PLCH1: variants seen among roughly 807,000 people sequenced by gnomAD.
The protein encoded by PLCH1 is phospholipase C eta 1, also known as 1-phosphatidylinositol 4,5-bisphosphate phosphodiesterase eta-1.
PLCH1 carries 60 observed loss-of-function variants against 126.7 expected under a neutral mutation model. The ratio of observed to expected loss-of-function variants is 0.47; its 90% CI spans 0.38 to 0.59. PLCH1 has a LOEUF of 0.59. Among genes scored for constraint, PLCH1 ranks in the 20% least tolerant of loss-of-function variants. PLCH1 has a pLI of 0.00. For synonymous variants in PLCH1, 719 were observed against 734.9 expected, an observed-to-expected ratio of 0.98 and a Z score of 0.35; for missense variants, 1,723 against 2,040.0, an observed-to-expected ratio of 0.84 and a Z score of 2.99.
chr3:155,618,747 G>A (rs987260510), intron 2 of PLCH1, among the ~76,000 whole-genome samples: 1 of 152,140 alleles, frequency 6.6e-6, no homozygotes, highest in Non-Finnish European at 1.5e-5. Flanking sequence ...CTGGGCTCAG[G>A]TGATCCTCCC....
At chr3:155,630,276 A>C (rs1353838064) in intron 2 of PLCH1, among the ~76,000 whole-genome samples, 1 of 152,266 alleles carries the variant, frequency 6.6e-6, no homozygotes, top group Non-Finnish European at 1.5e-5. Context: ...TCTCAGAGCC[A>C]GTGAATTTTA....
chr3:155,493,856 A>G (rs1000879018), intron 17 of PLCH1, among the ~76,000 whole-genome samples: 5 of 152,204 alleles, frequency 3.3e-5, no homozygotes, highest in Non-Finnish European at 5.9e-5. Flanking sequence ...TCCAGCTTAT[A>G]TGGGGCACTG....
In PLCH1 at chr3:155,481,232, G is replaced by T; in HGVS notation, c.4794C>A (p.Asn1598Lys). The change falls in exon 23 of 23, where the codon AAC (asparagine) becomes AAA (lysine). Residue 1598 changes from asparagine to lysine, a missense_variant. Physicochemically the swap from Asn to Lys is moderately conservative, Grantham distance 94. This residue lies in a region of PLCH1 where 947 missense variants were observed against 977.1 expected (regional missense o/e 0.97). Coordinates refer to ENST00000460012, the MANE Select transcript of PLCH1 (RefSeq NM_014996.4). This position sits in a 1 kb window ranked among gnomAD's most constrained non-coding sequence, Gnocchi z 4.2. ...GAACCACTCCTGCCCCATTGCTGGG[G>T]TTTGGAACTTTCTGCTTGTTGGCTT... ...KQEANKQKVP[N>K]PSNGAGVVLR... 1 of 1,614,212 alleles carries T rather than the reference G, an allele frequency of 6.2e-7. No homozygotes were observed. Among genetic ancestry groups the T allele is most frequent in the East Asian group, 2.2e-5 (1 of 44,870 alleles).
chr3:155,630,086 A>T (rs1737849297), intron 2 of PLCH1, among the ~76,000 whole-genome samples: 1 of 152,118 alleles, frequency 6.6e-6, no homozygotes, highest in Non-Finnish European at 1.5e-5. Context: ...TCATCCCATG[A>T]TTTTCTGTGC....
chr3:155,568,515 T>G (rs1728804160), intron 6 of PLCH1, among the ~76,000 whole-genome samples, 191 bp from the exon 7 acceptor site: 2 of 152,226 alleles, frequency 1.3e-5, no homozygotes, highest in African/African-American at 4.8e-5. Flanking sequence ...CCTATGCATT[T>G]TTTAGATTGA....
At chr3:155,635,231 T>A (rs1479855819) in intron 2 of PLCH1, among the ~76,000 whole-genome samples, 1 of 152,118 alleles carries the variant, frequency 6.6e-6, no homozygotes, top group East Asian at 1.9e-4. Context: ...TTCCTTTCCA[T>A]CTACTTGTCA....
intron 2 of PLCH1, among the ~76,000 whole-genome samples, chr3:155,606,048 AT>A (rs899747774): frequency 2.2e-4 from 34 of 151,912 alleles, no homozygotes; most frequent in Admixed American, 7.2e-4. Flanking sequence ...ATTTTAAAGA[AT>A]TTTTTTTTAA....
chr3:155,604,703 G>A (rs903434374), intron 2 of PLCH1, among the ~76,000 whole-genome samples: 1 of 151,942 alleles, frequency 6.6e-6, no homozygotes, highest in Non-Finnish European at 1.5e-5. Context: ...AAAACAAAAG[G>A]AAATACTAAA....
At chr3:155,500,954 CCTAT>C (rs113942385) in intron 13 of PLCH1, among the ~76,000 whole-genome samples, 160 bp from the exon 14 acceptor site, 83 of 152,196 alleles carry the variant, frequency 5.5e-4, no homozygotes, top group African/African-American at 1.9e-3. Context: ...TAATAACAAG[CCTAT>C]CTAAGGCCAT....
In PLCH1 at chr3:155,683,247, G is replaced by T. The variant is rs182782822; in HGVS notation, c.79+20899C>A. Among the ~76,000 whole-genome samples the T allele has an allele frequency of 1.5e-3, 223 of 152,168 alleles. 1 individual carries two copies. Among genetic ancestry groups the T allele is most frequent in the African/African-American group, 5.2e-3 (215 of 41,520 alleles). ...TTGATGACTTATTGATCTCCCCTTC[G>T]AGACTCTTGGTTTTCATTATTTTTT... On this transcript the variant is annotated intron_variant, in intron 2 of 22. Coordinates refer to ENST00000460012, the MANE Select transcript of PLCH1 (RefSeq NM_014996.4).
intron 2 of PLCH1, among the ~76,000 whole-genome samples, chr3:155,678,951 C>A (rs764254871): frequency 2.6e-4 from 40 of 152,224 alleles, no homozygotes; most frequent in Non-Finnish European, 5.3e-4. Flanking sequence ...GGACTTTACA[C>A]CTCATCTGAC....
At chr3:155,591,987 G>A (rs1176148369) in intron 4 of PLCH1, among the ~76,000 whole-genome samples, 1 of 151,934 alleles carries the variant, frequency 6.6e-6, no homozygotes, top group Non-Finnish European at 1.5e-5. Flanking sequence ...ATTCCAGCCA[G>A]GAGCCATGCA....
intron 11 of PLCH1, among the ~76,000 whole-genome samples, chr3:155,517,716 T>C (rs2108260861): frequency 6.6e-6 from 1 of 152,318 alleles, no homozygotes; most frequent in East Asian, 1.9e-4. Context: ...TTTTTCCAAA[T>C]AAGCTCACAT....
At position 155,549,264 on chromosome 3, in the gene PLCH1, G is replaced by A. The variant is rs555840248; in HGVS notation, c.1362+523C>T. On this transcript the variant is annotated intron_variant, in intron 10 of 22. Coordinates refer to ENST00000460012, the MANE Select transcript of PLCH1 (RefSeq NM_014996.4). ...CTGTTCACCTACTGCTCTTTCACAC[G>A]TACATGAGTCCTGTGGGGCATTATT... 6.6e-5 allele frequency among the ~76,000 whole-genome samples: 10 copies of A among 152,216 alleles called. No individual in the cohort carries two copies. In the South Asian group the frequency reaches 1.9e-3, roughly 28 times the overall value.
intron 2 of PLCH1, among the ~76,000 whole-genome samples, chr3:155,639,295 C>G (rs1240504314): frequency 6.6e-6 from 1 of 151,806 alleles, no homozygotes; most frequent in Non-Finnish European, 1.5e-5. Flanking sequence ...CTTGTCTCCA[C>G]AAAAAATAAA....
chr3:155,713,675 A>C (rs1747309156), intron 1 of PLCH1, among the ~76,000 whole-genome samples: 1 of 152,200 alleles, frequency 6.6e-6, no homozygotes. Flanking sequence ...ACCTGACTGG[A>C]AGTCAAAAAC....
intron 21 of PLCH1, among the ~76,000 whole-genome samples, chr3:155,469,410 G>T (rs1468432353): frequency 6.6e-6 from 1 of 152,240 alleles, no homozygotes; most frequent in East Asian, 1.9e-4. Flanking sequence ...TCCCGCACCT[G>T]GCTCGGAGGG....
At chr3:155,626,233 T>G (rs1737229115) in intron 2 of PLCH1, among the ~76,000 whole-genome samples, 1 of 148,828 alleles carries the variant, frequency 6.7e-6, no homozygotes, top group Admixed American at 6.7e-5. Context: ...AGAAAGATGA[T>G]TAATATCTGA....
intron 10 of PLCH1, among the ~76,000 whole-genome samples, chr3:155,526,912 C>A (rs1294317601): frequency 2.6e-5 from 4 of 152,246 alleles, no homozygotes; most frequent in Non-Finnish European, 4.4e-5. Context: ...ATTTCCAACA[C>A]AACTAAGCAC....
Sources: gnomAD v4.1 joint callset for allele counts (sites outside exome capture counted in the v4.1 genomes callset) on GRCh38, gnomAD v4.1.1 for gene constraint, gnomAD v4.1.1 regional missense constraint, Gnocchi (gnomAD v3.1) non-coding constraint, MANE v1.5 for transcripts, NCBI Gene and HGNC (gene_info 2026-07-23, HGNC 2026-07-21) for gene names.